DLG2: variants seen among roughly 807,000 people sequenced by gnomAD.
DLG2 encodes disks large homolog 2.
A neutral mutation model predicts 132.5 loss-of-function variants in DLG2; 45 were observed. That is an observed-to-expected ratio of 0.34 (90% confidence interval 0.27 to 0.44). DLG2 has a LOEUF of 0.44. Ranked by LOEUF, DLG2 falls within the 20% of genes least tolerant of loss-of-function variation. The pLI is 1.00. For missense variants in DLG2, 1,045 were observed against 1,196.9 expected (o/e 0.87, Z 1.87); for synonymous variants, 424 against 419.6 (o/e 1.01, Z -0.13).
At chr11:85,126,793 T>G (rs1339464665) in intron 5 of DLG2, among the ~76,000 whole-genome samples, 1 of 152,194 alleles carries the variant, frequency 6.6e-6, no homozygotes, top group Non-Finnish European at 1.5e-5. Flanking sequence ...GAGTGCCTAC[T>G]CCCTACAAGG....
At chr11:84,431,018 A>G (rs1309099776) in intron 7 of DLG2, among the ~76,000 whole-genome samples, 2 of 152,164 alleles carry the variant, frequency 1.3e-5, no homozygotes, top group African/African-American at 4.8e-5. Flanking sequence ...TGAGGCAAAA[A>G]TAGAAATAAA....
intron 6 of DLG2, among the ~76,000 whole-genome samples, chr11:84,640,952 C>CAAAAAAAAAAAAAA (rs34851864): frequency 1.2e-5 from 1 of 85,404 alleles, no homozygotes; most frequent in Non-Finnish European, 2.3e-5. Context: ...AACAAACAAA[C>CAAAAAAAAAAAAAA]AAAAAAAAAA....
intron 6 of DLG2, among the ~76,000 whole-genome samples, chr11:85,026,168 A>T (rs1179344638): frequency 6.6e-6 from 1 of 152,196 alleles, no homozygotes; most frequent in African/African-American, 2.4e-5. Context: ...AGCAAAAAAC[A>T]AGCCAAAATA....
In DLG2 at chr11:85,529,710, C is replaced by A. The variant is rs551613622; in HGVS notation, c.40+68947G>T. Among the ~76,000 whole-genome samples, 12 of 152,234 alleles carry A rather than the reference C, an allele frequency of 7.9e-5. No homozygotes were observed. In the East Asian group the frequency reaches 1.5e-3, roughly 20 times the overall value. ...TCTTAATCTCAGATATAACTTTGCA[C>A]ATAAAATCTCCATGCCTTTGATTAT... On this transcript the variant is annotated intron_variant, in intron 3 of 27. Coordinates refer to ENST00000376104, the MANE Select transcript of DLG2 (RefSeq NM_001142699.3).
intron 18 of DLG2, among the ~76,000 whole-genome samples, chr11:83,686,077 C>A (rs2079702584): frequency 6.6e-6 from 1 of 152,088 alleles, no homozygotes; most frequent in Non-Finnish European, 1.5e-5. Context: ...TTTCTGCAAC[C>A]ACCTCCTCAC....
intron 3 of DLG2, among the ~76,000 whole-genome samples, chr11:85,349,515 A>G (rs2083117367): frequency 6.6e-6 from 1 of 151,844 alleles, no homozygotes. Context: ...GCACCCAACA[A>G]CTCATCATTT....
chr11:85,048,850 A>G (rs1394669503), intron 6 of DLG2, among the ~76,000 whole-genome samples: 3 of 152,104 alleles, frequency 2.0e-5, no homozygotes. Context: ...ATGCATTAAC[A>G]TGAACAACAA....
chr11:84,659,965 G>A (rs1438918664), intron 6 of DLG2, among the ~76,000 whole-genome samples: 4 of 152,112 alleles, frequency 2.6e-5, no homozygotes, highest in African/African-American at 7.2e-5. Flanking sequence ...TACTCATGGA[G>A]TCATGAGCAC....
intron 3 of DLG2, among the ~76,000 whole-genome samples, chr11:85,290,734 A>T (rs1055680304): frequency 1.3e-5 from 2 of 152,032 alleles, no homozygotes; most frequent in Non-Finnish European, 2.9e-5. Flanking sequence ...CCATTAAAAC[A>T]AAAAAATTGA....
At position 84,689,708 on chromosome 11, in the gene DLG2, A is replaced by G. The variant is rs143027150; in HGVS notation, c.358-154977T>C. ...CATTTTGCTCATCATTAAAGCCAAAAGAGTATAAAGCAGGGAACTAGGTGT... is the reference window on the plus strand; with the variant it reads ...CATTTTGCTCATCATTAAAGCCAAAGGAGTATAAAGCAGGGAACTAGGTGT... On this transcript the variant is annotated intron_variant, in intron 6 of 27. Transcript: ENST00000376104. Among the ~76,000 whole-genome samples, 760 of 152,164 alleles carry G rather than the reference A, an allele frequency of 5.0e-3. 6 individuals carry two copies. Among genetic ancestry groups the G allele is most frequent in the African/African-American group, 0.017 (717 of 41,550 alleles).
chr11:84,050,596 G>A (rs993497124), intron 11 of DLG2, among the ~76,000 whole-genome samples: 1 of 151,990 alleles, frequency 6.6e-6, no homozygotes, highest in Admixed American at 6.6e-5. Context: ...CCTTGCCCAT[G>A]CCTATGTCCT....
chr11:83,511,087 G>GACACACAGACAC (rs1555134673), intron 21 of DLG2, among the ~76,000 whole-genome samples: 3 of 138,552 alleles, frequency 2.2e-5, no homozygotes, highest in Admixed American at 7.3e-5. Flanking sequence ...CACACACACA[G>GACACACAGACAC]ACACACACAC....
At chr11:84,741,264 C>G (rs953188391) in intron 6 of DLG2, among the ~76,000 whole-genome samples, 1 of 151,768 alleles carries the variant, frequency 6.6e-6, no homozygotes, top group South Asian at 2.1e-4. Flanking sequence ...GACGGGGTTT[C>G]ACCGTGGTCT....
chr11:83,636,924 A>T (rs1450854508), intron 18 of DLG2, among the ~76,000 whole-genome samples: 1 of 152,160 alleles, frequency 6.6e-6, no homozygotes. Context: ...CCTGTGTCAG[A>T]GGTGCTTATC....
rs533205343 is a variant in DLG2, at chr11:84,401,222, T to G, written c.519+133348A>C. ...TCCCCCATAGAAGATGCATAGTATATTAAAGAAGACTGTAAGTTCTTCAAG... is the reference window on the plus strand; with the variant it reads ...TCCCCCATAGAAGATGCATAGTATAGTAAAGAAGACTGTAAGTTCTTCAAG... On this transcript the variant is annotated intron_variant, in intron 7 of 27. Transcript: ENST00000376104. Among the ~76,000 whole-genome samples, 21 of 152,272 alleles carry G rather than the reference T, an allele frequency of 1.4e-4. No homozygotes were observed. In the South Asian group the frequency reaches 4.4e-3, roughly 32 times the overall value.
At chr11:84,612,988 A>G (rs1593773012) in intron 6 of DLG2, among the ~76,000 whole-genome samples, 1 of 152,284 alleles carries the variant, frequency 6.6e-6, no homozygotes, top group Middle Eastern at 3.4e-3. Context: ...AAAATGGGGT[A>G]CACAGTTGGA....
intron 18 of DLG2, among the ~76,000 whole-genome samples, chr11:83,648,831 G>C (rs753944103): frequency 6.6e-6 from 1 of 152,084 alleles, no homozygotes; most frequent in Non-Finnish European, 1.5e-5. Context: ...ATTGGGAAAA[G>C]GCAGGGTGGA....
chr11:85,343,062 ATGT>A (rs755694692), intron 3 of DLG2, among the ~76,000 whole-genome samples: 15 of 152,148 alleles, frequency 9.9e-5, no homozygotes, highest in Non-Finnish European at 1.9e-4. Flanking sequence ...CTACCTTTAT[ATGT>A]CAATAAATTT....
At chr11:84,254,414 T>C (rs1405597088) in intron 7 of DLG2, among the ~76,000 whole-genome samples, 1 of 152,226 alleles carries the variant, frequency 6.6e-6, no homozygotes, top group African/African-American at 2.4e-5. Flanking sequence ...TTGTATACTT[T>C]TCTAGAATTC....
Sources: gnomAD v4.1 joint callset for allele counts (sites outside exome capture counted in the v4.1 genomes callset) on GRCh38, gnomAD v4.1.1 for gene constraint, MANE v1.5 for transcripts, NCBI Gene and HGNC (gene_info 2026-07-23, HGNC 2026-07-21) for gene names.